Variants in KIF13A observed in about 807,000 individuals in gnomAD.
The protein encoded by KIF13A is kinesin-like protein KIF13A.
KIF13A carries 79 observed loss-of-function variants against 212.2 expected under a neutral mutation model. The observed-to-expected ratio is 0.37, with a 90% confidence interval of 0.31 to 0.45. KIF13A has a LOEUF of 0.45. Ranked by LOEUF, KIF13A falls within the 20% of genes least tolerant of loss-of-function variation. KIF13A has a pLI of 1.00. For missense variants in KIF13A, 1,901 were observed against 2,209.0 expected, an observed-to-expected ratio of 0.86 and a Z score of 2.79; for synonymous variants, 789 against 808.6, an observed-to-expected ratio of 0.98 and a Z score of 0.41.
At chr6:17,890,542 T>TC (rs1464122371) in intron 3 of KIF13A, among the ~76,000 whole-genome samples, 1 of 152,026 alleles carries the variant, frequency 6.6e-6, no homozygotes, top group Non-Finnish European at 1.5e-5. Context: ...CACACAAGTG[T>TC]CGTCTTCCTC....
intron 2 of KIF13A, among the ~76,000 whole-genome samples, chr6:17,907,162 C>A (rs1336709985): frequency 6.6e-6 from 1 of 152,100 alleles, no homozygotes; most frequent in Non-Finnish European, 1.5e-5. Context: ...TATTTAATGA[C>A]CCTATACATA....
At chr6:17,911,782 T>G (rs1405415822) in intron 2 of KIF13A, among the ~76,000 whole-genome samples, 1 of 149,852 alleles carries the variant, frequency 6.7e-6, no homozygotes, top group Non-Finnish European at 1.5e-5. Context: ...TTTTTTTTTT[T>G]GAGACAGATT....
chr6:17,795,922 TTTAAGG>T (rs1761993101), intron 23 of KIF13A, among the ~76,000 whole-genome samples: 1 of 152,212 alleles, frequency 6.6e-6, no homozygotes, highest in Non-Finnish European at 1.5e-5. Flanking sequence ...AGTTGTTGTA[TTTAAGG>T]TTATGTATGA....
Position 17,765,061 on chromosome 6 carries a change from T to C in KIF13A, c.4582-115A>G, listed in dbSNP as rs1197348010. The C allele has an allele frequency of 4.9e-6, 4 of 815,918 alleles. No homozygotes were observed. In the East Asian group the frequency reaches 1.1e-4, roughly 22 times the overall value. The allele number at this position is 815,918 out of a possible 1,614,324, so 50.5% of individuals were successfully genotyped here. On this transcript the variant is annotated intron_variant, in intron 38 of 38. Coordinates refer to ENST00000259711, the MANE Select transcript of KIF13A (RefSeq NM_022113.6). Reference sequence around the variant, plus strand: ...TCACATTCACATGGTGTTCAGTGTTTTCTTTTTGTCTTTCCAAATTTGGCC... The same window carrying C: ...TCACATTCACATGGTGTTCAGTGTTCTCTTTTTGTCTTTCCAAATTTGGCC...
At chr6:17,905,219 C>T (rs537372383) in intron 2 of KIF13A, among the ~76,000 whole-genome samples, 2 of 152,304 alleles carry the variant, frequency 1.3e-5, no homozygotes, top group South Asian at 4.1e-4. Context: ...TCCAATGTGG[C>T]CCAGGGAAGT....
In KIF13A at chr6:17,889,586, A is replaced by G. The variant is rs952453608; in HGVS notation, c.159+8582T>C. On this transcript the variant is annotated intron_variant, in intron 3 of 38. Transcript: ENST00000259711. ...GATTCTTTCTTCTTACTCTTTCCTT[A>G]TATCTTGGCACATAAAATCCAATAC... 4.6e-5 allele frequency among the ~76,000 whole-genome samples: 7 copies of G among 152,186 alleles called. No homozygotes were observed. In the East Asian group the frequency reaches 1.2e-3, roughly 25 times the overall value.
intron 2 of KIF13A, among the ~76,000 whole-genome samples, chr6:17,932,979 C>A (rs1776140006): frequency 6.6e-6 from 1 of 152,026 alleles, no homozygotes; most frequent in African/African-American, 2.4e-5. Flanking sequence ...TGCTCAAGGT[C>A]ACCCAAAAAG....
intron 9 of KIF13A, among the ~76,000 whole-genome samples, chr6:17,846,041 CTTTTTTT>C (rs34232861): frequency 3.6e-5 from 3 of 83,264 alleles, no homozygotes; most frequent in Admixed American, 1.7e-4. Context: ...GGAACTCAAC[CTTTTTTT>C]TTTTTTTTTT....
At chr6:17,868,259 GA>G (rs1380672863) in intron 4 of KIF13A, among the ~76,000 whole-genome samples, 1 of 152,034 alleles carries the variant, frequency 6.6e-6, no homozygotes, top group African/African-American at 2.4e-5. Flanking sequence ...GAGCTGGGAA[GA>G]AAATAAAAAC....
In KIF13A at chr6:17,955,670, T is replaced by C. The variant is rs560877600; in HGVS notation, c.146+31384A>G. On this transcript the variant is annotated intron_variant, in intron 2 of 38. Transcript: ENST00000259711. ...ATTTGGTTGTTTGGATGAGATAATA[T>C]TGAAGACAAAGTCATGGTTTACTAA... is the stretch of plus-strand genomic sequence containing the variant. Among the ~76,000 whole-genome samples the C allele has an allele frequency of 3.3e-5, 5 of 152,342 alleles. No homozygotes were observed. In the South Asian group the frequency reaches 1.0e-3, roughly 32 times the overall value.
chr6:17,796,675 T>G lies in KIF13A; in HGVS notation c.2936A>C (p.His979Pro), dbSNP rs779073192. The part of the protein sequence containing the change: ...DSLHAKTRTL[H>P]DRWNEVTRRI... Reference sequence around the variant, plus strand: ...CTCACAGCCAAGTACAAACCTGTCATGCAGTGTTCTTGTCTTAGCATGAAG... The same window carrying G: ...CTCACAGCCAAGTACAAACCTGTCAGGCAGTGTTCTTGTCTTAGCATGAAG... Residue 979 changes from histidine (H) to proline (P), a missense_variant, in exon 23 of 39, where the codon CAT becomes CCT. By Grantham distance (77) the His-to-Pro change is moderately conservative. This residue lies in a region of KIF13A where 534 missense variants were observed against 536.9 expected (regional missense o/e 0.99). Coordinates refer to ENST00000259711, the MANE Select transcript of KIF13A (RefSeq NM_022113.6). The G allele has an allele frequency of 2.0e-6, 3 of 1,538,270 alleles. No individual in the cohort carries two copies. The highest frequency in any genetic ancestry group is 2.6e-6 in the Non-Finnish European group (3 of 1,138,680).
chr6:17,877,466 G>A (rs1770672916), intron 3 of KIF13A, among the ~76,000 whole-genome samples: 1 of 152,118 alleles, frequency 6.6e-6, no homozygotes, highest in African/African-American at 2.4e-5. Context: ...CTCTGGGTAG[G>A]ACTGAACTTC....
intron 2 of KIF13A, among the ~76,000 whole-genome samples, chr6:17,960,985 C>T (rs1321549306): frequency 6.6e-6 from 1 of 152,108 alleles, no homozygotes; most frequent in Middle Eastern, 3.2e-3. Flanking sequence ...TTTCAAGAAG[C>T]GTAGCATCTT....
At chr6:17,761,522 T>C (rs1000103454), downstream of KIF13A, among the ~76,000 whole-genome samples, 1 of 152,054 alleles carries the variant, frequency 6.6e-6, no homozygotes, top group Non-Finnish European at 1.5e-5. Flanking sequence ...TAGCTGGGAT[T>C]ATAGTCATGT....
Position 17,783,381 on chromosome 6 carries a change from A to G in KIF13A, c.3544+265T>C, listed in dbSNP as rs1250042389. ...TAAAGACTCAGAATCTCTAGGGGTG[A>G]TTACTTTCCAGGGTAATTTCTATGT... On this transcript the variant is annotated intron_variant, in intron 29 of 38. Coordinates refer to ENST00000259711, the MANE Select transcript of KIF13A (RefSeq NM_022113.6). This position sits in a 1 kb window ranked among gnomAD's most constrained non-coding sequence, Gnocchi z 4.3. 6.6e-6 allele frequency among the ~76,000 whole-genome samples: 1 copy of G among 152,216 alleles called. No individual in the cohort carries two copies. The highest frequency in any genetic ancestry group is 1.5e-5 in the Non-Finnish European group (1 of 68,036).
downstream of KIF13A, among the ~76,000 whole-genome samples, chr6:17,761,943 C>A (rs1408036743): frequency 6.6e-6 from 1 of 151,918 alleles, no homozygotes; most frequent in Non-Finnish European, 1.5e-5. Context: ...TATGGGGATG[C>A]GAGGGGATGG....
chr6:17,799,031 C>T lies in KIF13A; in HGVS notation c.2790+235G>A, dbSNP rs1159786549. ...GAAAGTAGTTTAATGAAATATGTAG[C>T]AACCTGTCACTGGTGGTTTATATCT... is the stretch of plus-strand genomic sequence containing the variant. On this transcript the variant is annotated intron_variant, in intron 22 of 38. Coordinates refer to ENST00000259711, the MANE Select transcript of KIF13A (RefSeq NM_022113.6). This position sits in a 1 kb window ranked among gnomAD's most constrained non-coding sequence, Gnocchi z 4.4. Among the ~76,000 whole-genome samples, 1 of 152,164 alleles carries T rather than the reference C, an allele frequency of 6.6e-6. No homozygotes were observed. The highest frequency in any genetic ancestry group is 1.5e-5 in the Non-Finnish European group (1 of 68,036).
chr6:17,929,059 C>CAAA lies in KIF13A; in HGVS notation c.147-30882_147-30880dup, dbSNP rs375511285. On this transcript the variant is annotated intron_variant, in intron 2 of 38. Coordinates refer to ENST00000259711, the MANE Select transcript of KIF13A (RefSeq NM_022113.6). ...AATAACTCAAAAGAAAAGAATTTCT[C>CAAA]AAAAAAAAAAAAAAAAAAAAAAAAC... Among the ~76,000 whole-genome samples the CAAA allele has an allele frequency of 8.2e-3, 300 of 36,472 alleles. 11 individuals are homozygous for CAAA. Among genetic ancestry groups the CAAA allele is most frequent in the African/African-American group, 0.021 (272 of 13,100 alleles). 23.9% of individuals were successfully genotyped at this position (36,472 alleles called of 152,430 possible). A position where few individuals can be genotyped will look rare whatever the true frequency, so the allele number is the denominator to read the frequency against.
chr6:17,970,326 G>T (rs967601979), intron 2 of KIF13A, among the ~76,000 whole-genome samples: 4 of 152,002 alleles, frequency 2.6e-5, no homozygotes, highest in African/African-American at 9.7e-5. Context: ...AGCAGGCCGG[G>T]CATGGTGACT....
Sources: allele counts gnomAD v4.1 joint callset (sites outside exome capture counted in the v4.1 genomes callset), GRCh38; gene constraint gnomAD v4.1.1; regional missense constraint gnomAD v4.1.1; non-coding constraint Gnocchi (gnomAD v3.1); transcripts MANE v1.5; gene names NCBI Gene and HGNC (gene_info 2026-07-23, HGNC 2026-07-21).